The following CDX2 variants were observed in gnomAD, a reference collection of about 807,000 sequenced individuals.
The protein encoded by CDX2 is caudal type homeobox 2, also known as homeobox protein CDX-2.
A neutral mutation model predicts 25.5 loss-of-function variants in CDX2; 7 were observed. That is an observed-to-expected ratio of 0.27 (90% CI 0.16 to 0.52). CDX2 has a LOEUF of 0.52. CDX2 is among the 20% of genes least tolerant of loss of function. The pLI is 0.97. For synonymous variants in CDX2, 222 were observed against 198.6 expected (o/e 1.12, Z -0.99); for missense variants, 375 against 431.4 (o/e 0.87, Z 1.16).
intron 1 of CDX2, among the ~76,000 whole-genome samples, chr13:27,965,914 C>T (rs985749755): frequency 3.3e-5 from 5 of 152,218 alleles, no homozygotes; most frequent in African/African-American, 1.2e-4. Flanking sequence ...ACTTTTGGGT[C>T]TTCTTGCAGC....
chr13:27,969,110 G>A lies in CDX2; in HGVS notation c.-104C>T, dbSNP rs1869508112. 6 of 813,250 alleles carry A rather than the reference G, an allele frequency of 7.4e-6. No homozygotes were observed. Among genetic ancestry groups the A allele is most frequent in the Non-Finnish European group, 7.4e-6 (4 of 537,132 alleles). 50.4% of individuals were successfully genotyped at this position (813,250 alleles called of 1,614,324 possible). On this transcript the variant is annotated 5_prime_UTR_variant, in exon 1 of 3. Coordinates refer to ENST00000381020, the MANE Select transcript of CDX2 (RefSeq NM_001265.6). Reference sequence around the variant, plus strand: ...AAGGGGCGAGGGGACTCGAGGAGCGGCGGGTGGCTGCGCCCCAGCCCGCGG... The same window carrying A: ...AAGGGGCGAGGGGACTCGAGGAGCGACGGGTGGCTGCGCCCCAGCCCGCGG...
intron 1 of CDX2, among the ~76,000 whole-genome samples, chr13:27,965,360 T>C (rs1869264319): frequency 6.6e-6 from 1 of 152,032 alleles, no homozygotes; most frequent in Non-Finnish European, 1.5e-5. Flanking sequence ...GGGGGCAGGG[T>C]GAAGTGGCCG....
Position 27,961,180 on chromosome 13 carries a change from C to A in CDX2, c.*1935G>T, listed in dbSNP as rs924456735. Among the ~76,000 whole-genome samples, 4 of 152,314 alleles carry A rather than the reference C, an allele frequency of 2.6e-5. No individual in the cohort carries two copies. Among genetic ancestry groups the A allele is most frequent in the South Asian group, 2.1e-4 (1 of 4,826 alleles). On this transcript the variant is annotated 3_prime_UTR_variant, in exon 3 of 3. Transcript: ENST00000381020. ...GCTTCGAGGCCAGGCGCCCGCGGGC[C>A]GGGCCACCGGAGCCCCTTTCCCAAT...
Position 27,964,759 on chromosome 13 carries a change from T to G in CDX2, c.687+111A>C, listed in dbSNP as rs1395226178. 2 of 683,878 alleles carry G rather than the reference T, an allele frequency of 2.9e-6. No homozygotes were observed. Among genetic ancestry groups the G allele is most frequent in the African/African-American group, 3.7e-5 (2 of 54,674 alleles). 42.4% of individuals were successfully genotyped at this position (683,878 alleles called of 1,614,324 possible). A position where few individuals can be genotyped will look rare whatever the true frequency, so the allele number is the denominator to read the frequency against. ...ACTCCAAAGACGAATGCTTGCATCCTCCTGCTTCAGTCTCTCCACAGATTT... is the reference window on the plus strand; with the variant it reads ...ACTCCAAAGACGAATGCTTGCATCCGCCTGCTTCAGTCTCTCCACAGATTT... On this transcript the variant is annotated intron_variant, in intron 2 of 2. Coordinates refer to ENST00000381020, the MANE Select transcript of CDX2 (RefSeq NM_001265.6). The surrounding 1 kb of genome is among the most constrained non-coding windows in gnomAD (Gnocchi z 4.7).
At chr13:27,965,974 G>T (rs1367065543) in intron 1 of CDX2, among the ~76,000 whole-genome samples, 2 of 152,218 alleles carry the variant, frequency 1.3e-5, no homozygotes, top group Non-Finnish European at 2.9e-5. Context: ...GATCTGAAGG[G>T]CCTGGGAGTT....
chr13:27,968,780 T>A lies in CDX2; in HGVS notation c.227A>T (p.Asp76Val). The change falls in exon 1 of 3, where the codon GAC becomes GTC. Residue 76 changes from aspartate to valine, a missense_variant. Physicochemically the swap from Asp to Val is radical, Grantham distance 152. This residue lies in a region of CDX2 where 253 missense variants were observed against 247.5 expected (regional missense o/e 1.02). Transcript: ENST00000381020. ...PAAYGAPLRE[D>V]WNGYAPGGAA... ...GCCTCCGGGCGCGTAGCCATTCCAG[T>A]CCTCCCGGAGTGGGGCGCCATACGC... 1 of 1,516,218 alleles carries A rather than the reference T, an allele frequency of 6.6e-7. No homozygotes were observed. Among genetic ancestry groups the A allele is most frequent in the Non-Finnish European group, 8.8e-7 (1 of 1,136,718 alleles). The allele number at this position is 1,516,218 out of a possible 1,614,324, so 93.9% of individuals were successfully genotyped here.
Position 27,968,765 on chromosome 13 carries a change from G to A in CDX2, c.242C>T (p.Ala81Val). 1.3e-6 allele frequency: 2 copies of A among 1,506,724 alleles called. No individual in the cohort carries two copies. Among genetic ancestry groups the A allele is most frequent in the Non-Finnish European group, 1.8e-6 (2 of 1,134,316 alleles). The allele number at this position is 1,506,724 out of a possible 1,614,324, so 93.3% of individuals were successfully genotyped here. ...APLREDWNGY[A>V]PGGAAAAANA... ...GGCGGCGGCCGCGGCGCCTCCGGGC[G>A]CGTAGCCATTCCAGTCCTCCCGGAG... The change falls in exon 1 of 3, where the codon GCG becomes GTG. Residue 81 changes from alanine to valine, a missense_variant. This residue lies in a region of CDX2 where 253 missense variants were observed against 247.5 expected (regional missense o/e 1.02). Transcript: ENST00000381020.
In CDX2 at chr13:27,962,089, A is replaced by G. The variant is rs1348952660; in HGVS notation, c.*1026T>C. ...CAGAGAAGATATTTCATTTCTTTAA[A>G]AAATAAAAAATAGTTGCAGACAAAA... is the stretch of plus-strand genomic sequence containing the variant. On this transcript the variant is annotated 3_prime_UTR_variant, in exon 3 of 3. Transcript: ENST00000381020. The G allele has an allele frequency of 4.3e-6, 1 of 230,366 alleles. No individual in the cohort carries two copies. Among genetic ancestry groups the G allele is most frequent in the Non-Finnish European group, 8.6e-6 (1 of 116,304 alleles). The allele number at this position is 230,366 out of a possible 1,614,324, so 14.3% of individuals were successfully genotyped here. A position where few individuals can be genotyped will look rare whatever the true frequency, so the allele number is the denominator to read the frequency against.
At position 27,963,424 on chromosome 13, in the gene CDX2, A is replaced by T. The variant is rs1253401161; in HGVS notation, c.688-55T>A. The T allele has an allele frequency of 5.1e-6, 7 of 1,382,556 alleles. No individual in the cohort carries two copies. The East Asian group carries it at 1.8e-4, about 35-fold the overall frequency. 85.6% of individuals were successfully genotyped at this position (1,382,556 alleles called of 1,614,324 possible). On this transcript the variant is annotated intron_variant, in intron 2 of 2. Coordinates refer to ENST00000381020, the MANE Select transcript of CDX2 (RefSeq NM_001265.6). ...TTGTGGTGAAGATGTGAGGGAAAAGAGGAACAGTACCCAGCAGTATCATCA... is the reference window on the plus strand; with the variant it reads ...TTGTGGTGAAGATGTGAGGGAAAAGTGGAACAGTACCCAGCAGTATCATCA...
intron 1 of CDX2, chr13:27,967,322 G>C (rs1445328066): frequency 3.9e-6 from 2 of 518,122 alleles, no homozygotes; most frequent in African/African-American, 3.8e-5. Context: ...CCTAGCATGT[G>C]CACAGTGACG....
Position 27,961,101 on chromosome 13 carries a change from G to A in CDX2, c.*2014C>T, listed in dbSNP as rs1199866720. On this transcript the variant is annotated 3_prime_UTR_variant, in exon 3 of 3. Transcript: ENST00000381020. ...CCCTCGCCCAGCGGACCCGGACACG[G>A]CTTCCTCCTCTGCCCGGCACCCCCC... Among the ~76,000 whole-genome samples, 2 of 151,976 alleles carry A rather than the reference G, an allele frequency of 1.3e-5. No homozygotes were observed. The highest frequency in any genetic ancestry group is 2.9e-5 in the Non-Finnish European group (2 of 67,970).
Position 27,961,825 on chromosome 13 carries a change from G to A in CDX2, c.*1290C>T, listed in dbSNP as rs1869064373. Among the ~76,000 whole-genome samples, 1 of 152,052 alleles carries A rather than the reference G, an allele frequency of 6.6e-6. No individual in the cohort carries two copies. The highest frequency in any genetic ancestry group is 2.4e-5 in the African/African-American group (1 of 41,394). ...TGTGGATTTGGTGAGATGCTATGAGGGGGCCCTCTCACCCCCACCCCCCAT... is the reference window on the plus strand; with the variant it reads ...TGTGGATTTGGTGAGATGCTATGAGAGGGCCCTCTCACCCCCACCCCCCAT... On this transcript the variant is annotated 3_prime_UTR_variant, in exon 3 of 3. Transcript: ENST00000381020.
rs2481952 is a variant in CDX2, at chr13:27,962,764, C to T, written c.*351G>A. The T allele has an allele frequency of 0.46, 120,045 of 262,230 alleles. 29,183 individuals are homozygous for T. The highest frequency in any genetic ancestry group is 0.7 in the South Asian group (4,284 of 6,110). 16.2% of individuals were successfully genotyped at this position (262,230 alleles called of 1,614,324 possible). A position where few individuals can be genotyped will look rare whatever the true frequency, so the allele number is the denominator to read the frequency against. On this transcript the variant is annotated 3_prime_UTR_variant, in exon 3 of 3. Coordinates refer to ENST00000381020, the MANE Select transcript of CDX2 (RefSeq NM_001265.6). ...CTCCCCTCGGCTCTAGCCAGAGGTG[C>T]AGCCTGCAGATCTAGGAAGAGAAGA...
At position 27,968,651 on chromosome 13, in the gene CDX2, G is replaced by T; in HGVS notation, c.356C>A (p.Pro119Gln). 6.5e-7 allele frequency: 1 copy of T among 1,535,126 alleles called. No individual in the cohort carries two copies. The part of the protein sequence containing the change: ...SPADYHPHHH[P>Q]HHHPHHPAAA... ...GGCCGGGTGGTGCGGGTGGTGATGCGGGTGGTGGTGCGGATGGTAGTCTGC... is the reference window on the plus strand; with the variant it reads ...GGCCGGGTGGTGCGGGTGGTGATGCTGGTGGTGGTGCGGATGGTAGTCTGC... Residue 119 changes from proline to glutamine, a missense_variant, in exon 1 of 3, where the codon CCG (proline) becomes CAG (glutamine). Around this residue, in one of 3 missense-constraint regions of CDX2, gnomAD observed 253 missense variants for 247.5 expected, o/e 1.02. Coordinates refer to ENST00000381020, the MANE Select transcript of CDX2 (RefSeq NM_001265.6).
At chr13:27,968,395 G>C in intron 1 of CDX2, 71 bp downstream of exon 1, 1 of 1,385,710 alleles carries the variant, frequency 7.2e-7, no homozygotes, top group South Asian at 1.7e-5. Context: ...CTGGACGCGC[G>C]ACGCGCAGCA....
rs1026210471 is a variant in CDX2 at position 27,964,794 on chromosome 13, C to T, written c.687+76G>A. On this transcript the variant is annotated intron_variant, in intron 2 of 2. Transcript: ENST00000381020. The surrounding 1 kb of genome is among the most constrained non-coding windows in gnomAD (Gnocchi z 4.7). ...GTCTCTCCACAGATTTAGATGGCCC[C>T]TGCAGCCAGATTTTCTAACTCTCAT... The T allele has an allele frequency of 1.4e-6, 2 of 1,457,310 alleles. No individual in the cohort carries two copies. Among genetic ancestry groups the T allele is most frequent in the East Asian group, 2.3e-5 (1 of 43,908 alleles). The allele number at this position is 1,457,310 out of a possible 1,614,324, so 90.3% of individuals were successfully genotyped here.
At chr13:27,967,116 G>T (rs1337911005) in intron 1 of CDX2, 6 of 378,092 alleles carry the variant, frequency 1.6e-5, no homozygotes, top group African/African-American at 4.2e-5. Context: ...GTCTTCCTTA[G>T]GGCGTGCGCC....
At chr13:27,967,924 T>C (rs1222676566) in intron 1 of CDX2, among the ~76,000 whole-genome samples, 1 of 152,176 alleles carries the variant, frequency 6.6e-6, no homozygotes, top group East Asian at 1.9e-4. Flanking sequence ...TCGCTGTACC[T>C]TGAATTGGCC....
At chr13:27,963,700 A>G (rs915775835) in intron 2 of CDX2, among the ~76,000 whole-genome samples, 7 of 152,228 alleles carry the variant, frequency 4.6e-5, no homozygotes, top group Admixed American at 6.5e-5. Flanking sequence ...AAGGGAGGCC[A>G]GTGCTGGGTG....
Sources: allele counts gnomAD v4.1 joint callset (sites outside exome capture counted in the v4.1 genomes callset), GRCh38; gene constraint gnomAD v4.1.1; regional missense constraint gnomAD v4.1.1; non-coding constraint Gnocchi (gnomAD v3.1); transcripts MANE v1.5; gene names NCBI Gene and HGNC (gene_info 2026-07-23, HGNC 2026-07-21).